PAPPA2: variants seen among roughly 807,000 people sequenced by gnomAD.
PAPPA2 encodes pappalysin 2.
A neutral mutation model predicts 176.4 loss-of-function variants in PAPPA2; 86 were observed. The ratio of observed to expected loss-of-function variants is 0.49; its 90% CI spans 0.41 to 0.58. PAPPA2 has a LOEUF of 0.58. PAPPA2 is among the 20% of genes least tolerant of loss of function. The pLI, the probability that PAPPA2 is intolerant of heterozygous loss-of-function variation, is 0.00. For synonymous variants in PAPPA2, 809 were observed against 852.2 expected (o/e 0.95, Z 0.88); for missense variants, 2,073 against 2,256.9 (o/e 0.92, Z 1.65).
chr1:176,762,411 C>A (rs1254847951), intron 14 of PAPPA2, among the ~76,000 whole-genome samples: 1 of 152,172 alleles, frequency 6.6e-6, no homozygotes, highest in East Asian at 1.9e-4. Context: ...GAGGCTCATT[C>A]AGAGCATTTG....
At chr1:176,679,928 T>A (rs1184094339) in intron 4 of PAPPA2, among the ~76,000 whole-genome samples, 1 of 152,168 alleles carries the variant, frequency 6.6e-6, no homozygotes. Flanking sequence ...AGCAAATGCC[T>A]GATGTTCAAT....
intron 2 of PAPPA2, among the ~76,000 whole-genome samples, chr1:176,574,000 G>C (rs892060418): frequency 4.6e-5 from 7 of 151,948 alleles, no homozygotes; most frequent in African/African-American, 1.5e-4. Flanking sequence ...AATTTTTAGA[G>C]TGTCATGTGA....
chr1:176,594,967 G>A lies in PAPPA2; in HGVS notation c.1363G>A (p.Val455Ile). 1 of 1,614,196 alleles carries A rather than the reference G, an allele frequency of 6.2e-7. No individual in the cohort carries two copies. Among genetic ancestry groups the A allele is most frequent in the South Asian group, 1.1e-5 (1 of 91,086 alleles). Residue 455 changes from valine to isoleucine, a missense_variant, in exon 3 of 23, where the codon GTC becomes ATC. Physicochemically the swap from Val to Ile is conservative, Grantham distance 29. Coordinates refer to ENST00000367662, the MANE Select transcript of PAPPA2 (RefSeq NM_020318.3). Reference protein sequence around the residue: ...SSGEEEATDLVLTASFEPVNT... With the variant: ...SSGEEEATDLILTASFEPVNT... ...TGGGGAGGAGGAAGCGACTGACTTG[G>A]TCCTGACAGCGAGCTTTGAGCCTGT...
At chr1:176,529,901 T>A (rs1455304742) in intron 1 of PAPPA2, among the ~76,000 whole-genome samples, 1 of 152,186 alleles carries the variant, frequency 6.6e-6, no homozygotes, top group African/African-American at 2.4e-5. Flanking sequence ...GCCATATTTT[T>A]AAAGAGTTTT....
chr1:176,793,464 A>T (rs1665275269), intron 19 of PAPPA2, 96 bp from the exon 20 acceptor site: 1 of 993,934 alleles, frequency 1.0e-6, no homozygotes, highest in Non-Finnish European at 1.6e-6. Context: ...TGATGAAAGC[A>T]GTTGTTCTTT....
At position 176,684,448 on chromosome 1, in the gene PAPPA2, A is replaced by C. The variant is rs114437760; in HGVS notation, c.2138-5689A>C. Among the ~76,000 whole-genome samples, 777 of 152,156 alleles carry C rather than the reference A, an allele frequency of 5.1e-3. 13 individuals carry two copies. Among genetic ancestry groups the C allele is most frequent in the African/African-American group, 0.017 (707 of 41,526 alleles). ...AGTGTCCTGGTATAGTTGAAAATAT[A>C]TGTGTGCATTTCTTTTTTCTTCCTG... On this transcript the variant is annotated intron_variant, in intron 4 of 22. Coordinates refer to ENST00000367662, the MANE Select transcript of PAPPA2 (RefSeq NM_020318.3).
chr1:176,725,873 C>T (rs1382016744), intron 12 of PAPPA2, among the ~76,000 whole-genome samples: 1 of 152,162 alleles, frequency 6.6e-6, no homozygotes, highest in South Asian at 2.1e-4. Flanking sequence ...CTCCGCCTCC[C>T]GGGTTCACAC....
chr1:176,489,007 G>C (rs2102490600), intron 1 of PAPPA2, among the ~76,000 whole-genome samples: 1 of 152,204 alleles, frequency 6.6e-6, no homozygotes, highest in South Asian at 2.1e-4. Flanking sequence ...AATAAGGTTG[G>C]GGTACATGCT....
At chr1:176,656,489 C>T (rs867122324) in intron 3 of PAPPA2, among the ~76,000 whole-genome samples, 1 of 151,928 alleles carries the variant, frequency 6.6e-6, no homozygotes, top group Non-Finnish European at 1.5e-5. Context: ...GATAAGCTCT[C>T]GGGGCCTGGG....
intron 1 of PAPPA2, among the ~76,000 whole-genome samples, chr1:176,517,324 G>A (rs1420681424): frequency 6.6e-6 from 1 of 152,134 alleles, no homozygotes; most frequent in East Asian, 1.9e-4. Flanking sequence ...CCAAACAGAA[G>A]CCTTTTAATT....
At chr1:176,801,834 T>C (rs932907865) in intron 21 of PAPPA2, among the ~76,000 whole-genome samples, 1 of 152,012 alleles carries the variant, frequency 6.6e-6, no homozygotes, top group African/African-American at 2.4e-5. Flanking sequence ...ACAGACCTTT[T>C]CCCATTTGTT....
rs1558478962 is a variant in PAPPA2, at chr1:176,623,607, C to CTTTT, written c.1991+28014_1991+28015insTTTT. On this transcript the variant is annotated intron_variant, in intron 3 of 22. Transcript: ENST00000367662. ...CCTTCCTTCCTTCCTTCCTTCCTTC[C>CTTTT]TTCCTTCCTTCCTTCCTTTTTTACT... 5.6e-3 allele frequency among the ~76,000 whole-genome samples: 678 copies of CTTTT among 121,552 alleles called. 3 individuals are homozygous for CTTTT. The highest frequency in any genetic ancestry group is 0.015 in the African/African-American group (458 of 30,428). The allele number at this position is 121,552 out of a possible 152,430, so 79.7% of individuals were successfully genotyped here.
intron 3 of PAPPA2, 66 bp from the exon 4 acceptor site, chr1:176,670,904 T>C: frequency 6.3e-7 from 1 of 1,593,028 alleles, no homozygotes; most frequent in Non-Finnish European, 8.6e-7. Flanking sequence ...TGATTAGGTC[T>C]GGCTCTGCTA....
chr1:176,684,366 C>T (rs1041813697), intron 4 of PAPPA2, among the ~76,000 whole-genome samples: 1 of 152,040 alleles, frequency 6.6e-6, no homozygotes, highest in Non-Finnish European at 1.5e-5. Flanking sequence ...GCAGGATGGG[C>T]GTTGGGGAAG....
chr1:176,713,821 T>C (rs1661248994), intron 12 of PAPPA2, among the ~76,000 whole-genome samples: 1 of 152,200 alleles, frequency 6.6e-6, no homozygotes. Flanking sequence ...TTTGTATAAC[T>C]AATTACTACA....
At chr1:176,802,458 A>T (rs1571348943) in intron 21 of PAPPA2, among the ~76,000 whole-genome samples, 1 of 152,202 alleles carries the variant, frequency 6.6e-6, no homozygotes, top group East Asian at 1.9e-4. Flanking sequence ...GGAAAAAGTC[A>T]GCAAAATATA....
chr1:176,613,480 T>C (rs928584134), intron 3 of PAPPA2, among the ~76,000 whole-genome samples: 1 of 152,208 alleles, frequency 6.6e-6, no homozygotes, highest in African/African-American at 2.4e-5. Context: ...CCCACTGCAC[T>C]GTATTCAGCT....
At chr1:176,737,942 TA>T (rs1456861707) in intron 12 of PAPPA2, among the ~76,000 whole-genome samples, 7 of 152,112 alleles carry the variant, frequency 4.6e-5, no homozygotes, top group Non-Finnish European at 1.0e-4. Context: ...GCCTGAGTCC[TA>T]ATGGGGTAAA....
At chr1:176,665,800 G>A in intron 3 of PAPPA2, among the ~76,000 whole-genome samples, 1 of 152,012 alleles carries the variant, frequency 6.6e-6, no homozygotes, top group East Asian at 1.9e-4. Flanking sequence ...TTCACCAGCT[G>A]GAACATTATT....
Sources: gnomAD v4.1 joint callset for allele counts (sites outside exome capture counted in the v4.1 genomes callset) on GRCh38, gnomAD v4.1.1 for gene constraint, MANE v1.5 for transcripts, NCBI Gene and HGNC (gene_info 2026-07-23, HGNC 2026-07-21) for gene names.